Variants in RNF125 observed in about 807,000 individuals in gnomAD.
The protein encoded by RNF125 is E3 ubiquitin-protein ligase RNF125.
RNF125 carries 21 observed loss-of-function variants against 26.0 expected under a neutral mutation model. The observed-to-expected ratio is 0.81, with a 90% CI of 0.57 to 1.16. The LOEUF is 1.16. Among genes scored for constraint, RNF125 ranks in the 50% most tolerant of loss-of-function variants. The pLI, the probability that RNF125 is intolerant of heterozygous loss-of-function variation, is 0.00. For missense variants in RNF125, 270 were observed against 299.4 expected (o/e 0.90, Z 0.72); for synonymous variants, 95 against 109.2 (o/e 0.87, Z 0.81).
chr18:32,037,035 C>A, intron 1 of RNF125, 81 bp from the exon 2 acceptor site: 1 of 1,290,608 alleles, frequency 7.7e-7, no homozygotes, highest in Non-Finnish European at 1.1e-6. Context: ...CATTAAATTA[C>A]AGTTTACACA....
chr18:32,085,380 AG>A, the RNF125 span, among the ~76,000 whole-genome samples: 1 of 58,824 alleles, frequency 1.7e-5, no homozygotes, highest in Non-Finnish European at 3.6e-5. Flanking sequence ...AAGCAGAGAG[AG>A]AGAGAGAGAG....
intron 4 of RNF125, among the ~76,000 whole-genome samples, chr18:32,065,374 A>G (rs1259942083): frequency 6.6e-6 from 1 of 152,168 alleles, no homozygotes; most frequent in Non-Finnish European, 1.5e-5. Context: ...AGTGGCTGGC[A>G]TTACAGGCAT....
chr18:32,052,896 C>G (rs1220844923), intron 4 of RNF125, among the ~76,000 whole-genome samples: 1 of 152,160 alleles, frequency 6.6e-6, no homozygotes, highest in African/African-American at 2.4e-5. Context: ...ATACATAGTA[C>G]TTGGCAACTG....
chr18:32,075,413 G>T (rs1395836989), downstream of RNF125, among the ~76,000 whole-genome samples: 1 of 151,978 alleles, frequency 6.6e-6, no homozygotes, highest in Non-Finnish European at 1.5e-5. Flanking sequence ...CAAAAAATTG[G>T]CCAGGCACAG....
the RNF125 span, among the ~76,000 whole-genome samples, chr18:32,089,711 A>G: frequency 6.6e-5 from 10 of 152,286 alleles, no homozygotes; most frequent in African/African-American, 2.2e-4. Flanking sequence ...ATTGCCAGCT[A>G]TATGCTTACG....
At chr18:32,075,215 TGGATCCCTAGAG>T (rs1175274350), downstream of RNF125, among the ~76,000 whole-genome samples, 1 of 152,206 alleles carries the variant, frequency 6.6e-6, no homozygotes, top group Non-Finnish European at 1.5e-5. Context: ...GTCTCTTGCC[TGGATCCCTAGAG>T]CTATCTAACT....
At chr18:32,087,814 T>C in the RNF125 span, among the ~76,000 whole-genome samples, 2 of 152,168 alleles carry the variant, frequency 1.3e-5, no homozygotes, top group Non-Finnish European at 2.9e-5. Flanking sequence ...TAGGCTGTAA[T>C]GCACATAGTA....
chr18:32,066,800 G>A (rs1264964814), intron 5 of RNF125, among the ~76,000 whole-genome samples: 1 of 152,222 alleles, frequency 6.6e-6, no homozygotes, highest in Non-Finnish European at 1.5e-5. Flanking sequence ...TGGGATGGGA[G>A]TAGAATTGTT....
chr18:32,041,367 C>G (rs1414238531), intron 2 of RNF125, among the ~76,000 whole-genome samples: 1 of 152,202 alleles, frequency 6.6e-6, no homozygotes, highest in East Asian at 1.9e-4. Flanking sequence ...GTATTTATAT[C>G]TTTCCCTAAG....
intron 1 of RNF125, among the ~76,000 whole-genome samples, chr18:32,021,648 A>G (rs1348193696): frequency 3.9e-5 from 6 of 152,232 alleles, no homozygotes; most frequent in Admixed American, 1.3e-4. Flanking sequence ...AAACATAAAC[A>G]GTGGGCGTTT....
downstream of RNF125, chr18:32,075,756 C>T: frequency 2.2e-6 from 1 of 451,324 alleles, no homozygotes; most frequent in Non-Finnish European, 4.1e-6. Flanking sequence ...TTAAAAGCAT[C>T]AATCTGATTG....
intron 4 of RNF125, among the ~76,000 whole-genome samples, chr18:32,065,324 G>A (rs1294263148): frequency 1.3e-5 from 2 of 151,998 alleles, no homozygotes; most frequent in Non-Finnish European, 2.9e-5. Flanking sequence ...TGAAACCTCC[G>A]CCTCCCAGAT....
chr18:32,032,564 G>T (rs2039108260), intron 1 of RNF125, among the ~76,000 whole-genome samples: 1 of 151,956 alleles, frequency 6.6e-6, no homozygotes, highest in Non-Finnish European at 1.5e-5. Context: ...ACTTTATCCA[G>T]CTTTATTAAA....
chr18:32,035,146 A>G (rs746394933), intron 1 of RNF125, among the ~76,000 whole-genome samples: 1 of 152,126 alleles, frequency 6.6e-6, no homozygotes, highest in Non-Finnish European at 1.5e-5. Flanking sequence ...TCCCACTGAG[A>G]CTATATGTAA....
intron 3 of RNF125, 68 bp from the exon 4 acceptor site, chr18:32,045,574 A>AG: frequency 6.0e-6 from 6 of 996,052 alleles, no homozygotes; most frequent in Admixed American, 2.3e-5. Flanking sequence ...AAAAAAAAAG[A>AG]AAAAAAAAGT....
chr18:32,038,639 A>G (rs906587960), intron 2 of RNF125, among the ~76,000 whole-genome samples: 3 of 152,250 alleles, frequency 2.0e-5, no homozygotes, highest in African/African-American at 7.2e-5. Context: ...CTTGGGTACT[A>G]TATCAGCTTC....
At chr18:32,037,334 C>T (rs2039167384) in intron 2 of RNF125, 65 bp downstream of exon 2, 2 of 836,816 alleles carry the variant, frequency 2.4e-6, no homozygotes, top group East Asian at 3.3e-5. Flanking sequence ...GTTATCATTT[C>T]ACCTCTGCTT....
chr18:32,038,338 C>G (rs1014207007), intron 2 of RNF125, among the ~76,000 whole-genome samples: 1 of 152,132 alleles, frequency 6.6e-6, no homozygotes, highest in Non-Finnish European at 1.5e-5. Context: ...CGTGAGCCAT[C>G]TCACCCAGCC....
Position 32,037,137 on chromosome 18 carries a change from T to C in RNF125, c.186T>C (p.Ala62=), listed in dbSNP as rs1424672615. ...GTAGATTCTGCCGTTCCTGTATTGC[T>C]ACCAGTCTAAAGAACAACAAGTGGA... ...CGHVFCRSCI[A]TSLKNNKWTC... Residue 62 remains alanine (A), a synonymous_variant, in exon 2 of 6, where the codon GCT becomes GCC. Transcript: ENST00000217740. 6.2e-7 allele frequency: 1 copy of C among 1,605,080 alleles called. No homozygotes were observed. Among genetic ancestry groups the C allele is most frequent in the South Asian group, 1.1e-5 (1 of 89,340 alleles).
Sources: allele counts gnomAD v4.1 joint callset (sites outside exome capture counted in the v4.1 genomes callset), GRCh38; gene constraint gnomAD v4.1.1; transcripts MANE v1.5; gene names NCBI Gene and HGNC (gene_info 2026-07-23, HGNC 2026-07-21).